ARHGEF37: variants seen among roughly 807,000 people sequenced by gnomAD.
The protein encoded by ARHGEF37 is Rho guanine nucleotide exchange factor 37, also known as Rho guanine nucleotide exchange factor (GEF) 37.
A neutral mutation model predicts 71.1 loss-of-function variants in ARHGEF37; 55 were observed. That is an observed-to-expected ratio of 0.77 (90% CI 0.62 to 0.97). ARHGEF37 has a LOEUF of 0.97. ARHGEF37 is among the 50% of genes least tolerant of loss of function. The probability of loss-of-function intolerance (pLI) is 0.00; values close to 1 mark genes in which losing one functional copy is unlikely to be tolerated. For synonymous variants in ARHGEF37, 327 were observed against 350.6 expected (o/e 0.93, Z 0.75); for missense variants, 765 against 836.8 (o/e 0.91, Z 1.06).
intron 1 of ARHGEF37, among the ~76,000 whole-genome samples, chr5:149,592,855 C>T (rs939875167): frequency 3.3e-5 from 5 of 152,154 alleles, no homozygotes; most frequent in Admixed American, 6.6e-5. Context: ...TCACAACCTC[C>T]GTCTCCTGGG....
At chr5:149,631,855 A>C in intron 12 of ARHGEF37, 127 bp from the exon 13 acceptor site, 1 of 834,726 alleles carries the variant, frequency 1.2e-6, no homozygotes, top group South Asian at 1.7e-5. Flanking sequence ...TGTACTTGGG[A>C]GGTGACGAGC....
chr5:149,612,389 C>G (rs910454537), intron 4 of ARHGEF37, among the ~76,000 whole-genome samples: 15 of 152,226 alleles, frequency 9.9e-5, no homozygotes, highest in Admixed American at 6.5e-4. Context: ...GGATGGTCTC[C>G]ATCTCCTGAC....
chr5:149,616,849 T>C, intron 5 of ARHGEF37, 83 bp downstream of exon 5: 1 of 1,371,446 alleles, frequency 7.3e-7, no homozygotes, highest in Non-Finnish European at 1.0e-6. Context: ...GCTTCACCAG[T>C]AAAGAGAATG....
chr5:149,588,813 C>T lies in ARHGEF37; in HGVS notation c.-12+7189C>T, dbSNP rs545516224. Among the ~76,000 whole-genome samples the T allele has an allele frequency of 4.6e-5, 7 of 152,268 alleles. No homozygotes were observed. In the South Asian group the frequency reaches 1.2e-3, roughly 27 times the overall value. ...GGCTCCCCTTTAAAGCCTTGGGCAG[C>T]TAGCTGATGGATCCTCAACTTTCCC... On this transcript the variant is annotated intron_variant, in intron 1 of 12. Coordinates refer to ENST00000333677, the MANE Select transcript of ARHGEF37 (RefSeq NM_001001669.3).
chr5:149,628,724 A>T (rs1752777743), intron 11 of ARHGEF37, 85 bp from the exon 12 acceptor site: 1 of 1,467,444 alleles, frequency 6.8e-7, no homozygotes, highest in East Asian at 2.5e-5. Flanking sequence ...CTGTGTTGGA[A>T]ACATTTATAT....
intron 3 of ARHGEF37, among the ~76,000 whole-genome samples, chr5:149,602,927 CA>C (rs1162984873): frequency 6.6e-6 from 1 of 151,372 alleles, no homozygotes; most frequent in African/African-American, 2.4e-5. Flanking sequence ...AACAAATATG[CA>C]AAAAAAAGTT....
chr5:149,559,533 A>G (rs1033703638), intron 1 of ARHGEF37, among the ~76,000 whole-genome samples: 1 of 152,194 alleles, frequency 6.6e-6, no homozygotes, highest in Admixed American at 6.5e-5. Context: ...AACTTTTGCT[A>G]ATATAAACAA....
chr5:149,598,170 C>T (rs1714174184), intron 2 of ARHGEF37, among the ~76,000 whole-genome samples: 1 of 152,148 alleles, frequency 6.6e-6, no homozygotes, highest in Non-Finnish European at 1.5e-5. Context: ...TAGTGTATTC[C>T]TTGGCTAACT....
intron 1 of ARHGEF37, among the ~76,000 whole-genome samples, chr5:149,585,846 A>G (rs929116110): frequency 6.6e-6 from 1 of 152,224 alleles, no homozygotes; most frequent in African/African-American, 2.4e-5. Flanking sequence ...ATAAAATTCA[A>G]AGGGAGTTGC....
At chr5:149,600,864 C>T (rs1763733333) in intron 2 of ARHGEF37, among the ~76,000 whole-genome samples, 1 of 152,110 alleles carries the variant, frequency 6.6e-6, no homozygotes, top group African/African-American at 2.4e-5. Flanking sequence ...GTCTTGAACT[C>T]CTGACCTCAT....
At chr5:149,583,107 G>C (rs968299383) in intron 1 of ARHGEF37, among the ~76,000 whole-genome samples, 1 of 152,084 alleles carries the variant, frequency 6.6e-6, no homozygotes, top group African/African-American at 2.4e-5. Flanking sequence ...CTTTCAAATG[G>C]GGTCAACACC....
intron 4 of ARHGEF37, among the ~76,000 whole-genome samples, chr5:149,610,846 G>T (rs1764057352): frequency 6.6e-6 from 1 of 152,224 alleles, no homozygotes; most frequent in South Asian, 2.1e-4. Flanking sequence ...CTATCAAGTG[G>T]CTTTTGCTAG....
At chr5:149,618,698 C>G (rs1752447495) in intron 6 of ARHGEF37, among the ~76,000 whole-genome samples, 1 of 152,202 alleles carries the variant, frequency 6.6e-6, no homozygotes, top group Non-Finnish European at 1.5e-5. Context: ...AGGGTAAAAC[C>G]CTTGTCCAGA....
At chr5:149,617,815 C>T (rs1483167611) in intron 5 of ARHGEF37, among the ~76,000 whole-genome samples, 2 of 152,174 alleles carry the variant, frequency 1.3e-5, no homozygotes, top group Non-Finnish European at 1.5e-5. Context: ...CTCAAAGTGG[C>T]TGAGGGACCC....
intron 7 of ARHGEF37, among the ~76,000 whole-genome samples, chr5:149,619,917 A>G (rs1356219904): frequency 2.6e-5 from 4 of 152,044 alleles, no homozygotes; most frequent in African/African-American, 7.3e-5. Context: ...TAAAAATACG[A>G]AAAACATTAG....
At chr5:149,558,339 C>G (rs1762780796) in intron 1 of ARHGEF37, among the ~76,000 whole-genome samples, 1 of 152,200 alleles carries the variant, frequency 6.6e-6, no homozygotes, top group African/African-American at 2.4e-5. Context: ...AATCCTGTCT[C>G]TACTAAAAAT....
At chr5:149,615,979 C>G (rs1164694465) in intron 4 of ARHGEF37, among the ~76,000 whole-genome samples, 2 of 152,170 alleles carry the variant, frequency 1.3e-5, no homozygotes, top group African/African-American at 2.4e-5. Flanking sequence ...ATACACAACA[C>G]AGAGTTGAGC....
At chr5:149,601,362 C>T in intron 3 of ARHGEF37, 131 bp downstream of exon 3, 1 of 1,087,414 alleles carries the variant, frequency 9.2e-7, no homozygotes, top group Non-Finnish European at 1.3e-6. Context: ...TGGGGATCTC[C>T]AAAACACAAC....
At chr5:149,610,138 A>G (rs1231733040) in intron 4 of ARHGEF37, among the ~76,000 whole-genome samples, 1 of 152,238 alleles carries the variant, frequency 6.6e-6, no homozygotes, top group Non-Finnish European at 1.5e-5. Flanking sequence ...GCCAGGAGGC[A>G]GGGCATGCCA....
Sources: allele counts gnomAD v4.1 joint callset (sites outside exome capture counted in the v4.1 genomes callset), GRCh38; gene constraint gnomAD v4.1.1; transcripts MANE v1.5; gene names NCBI Gene and HGNC (gene_info 2026-07-23, HGNC 2026-07-21).